The following TMEM266 variants were observed in gnomAD, a reference collection of about 807,000 sequenced individuals.
TMEM266 encodes the protein Hv1 related protein 1.
Under a neutral mutation model 50.5 loss-of-function variants are expected in TMEM266, and 33 were observed. The ratio of observed to expected loss-of-function variants is 0.65; its 90% CI spans 0.50 to 0.87. The LOEUF is 0.87. Among genes scored for constraint, TMEM266 ranks in the 40% least tolerant of loss-of-function variants. TMEM266 has a pLI of 0.00. For synonymous variants in TMEM266, 310 were observed against 292.3 expected, an observed-to-expected ratio of 1.06 and a Z score of -0.62; for missense variants, 655 against 695.1, an observed-to-expected ratio of 0.94 and a Z score of 0.65.
At chr15:76,159,886 CA>C (rs2037989685) in intron 4 of TMEM266, among the ~76,000 whole-genome samples, 1 of 152,076 alleles carries the variant, frequency 6.6e-6, no homozygotes, top group African/African-American at 2.4e-5. Flanking sequence ...GCAAGAAGAA[CA>C]GCATCGTTGG....
chr15:76,194,768 T>C, intron 9 of TMEM266, among the ~76,000 whole-genome samples: 1 of 152,272 alleles, frequency 6.6e-6, no homozygotes, highest in South Asian at 2.1e-4. Flanking sequence ...CATGTCTGGG[T>C]CTAGATTTCC....
intron 1 of TMEM266, among the ~76,000 whole-genome samples, chr15:76,087,493 G>T (rs970496117): frequency 1.3e-5 from 2 of 152,124 alleles, no homozygotes; most frequent in African/African-American, 2.4e-5. Flanking sequence ...AAAATATTGA[G>T]GTAGTTGCAC....
chr15:76,198,868 C>T (rs1019475121), intron 9 of TMEM266, among the ~76,000 whole-genome samples: 2 of 152,280 alleles, frequency 1.3e-5, no homozygotes, highest in African/African-American at 2.4e-5. Context: ...GCCAGCCTGG[C>T]TCTCAGACTC....
Position 76,137,708 on chromosome 15 carries a change from C to T in TMEM266, c.40C>T (p.Pro14Ser). ...CATTGTTCCTCCTCTCCAACCCAGG[C>T]CTGCCATAGAAGGAGGAATTTCTGA... Residue 14 changes from proline to serine, a missense_variant and splice_region_variant, in exon 3 of 11, where the codon CCT becomes TCT. Pro to Ser is a moderately conservative substitution (Grantham distance 74, BLOSUM62 -1). Coordinates refer to ENST00000388942, the MANE Select transcript of TMEM266 (RefSeq NM_152335.3). 1 of 1,614,076 alleles carries T rather than the reference C, an allele frequency of 6.2e-7. No homozygotes were observed. The highest frequency in any genetic ancestry group is 8.5e-7 in the Non-Finnish European group (1 of 1,179,964).
intron 7 of TMEM266, 98 bp downstream of exon 7, chr15:76,171,229 G>A: frequency 1.3e-6 from 2 of 1,486,130 alleles, no homozygotes; most frequent in South Asian, 2.7e-5. Flanking sequence ...CACCCTGCTG[G>A]CGTCAGGACG....
intron 1 of TMEM266, among the ~76,000 whole-genome samples, chr15:76,110,850 A>G (rs1404721488): frequency 6.6e-6 from 1 of 152,250 alleles, no homozygotes; most frequent in Non-Finnish European, 1.5e-5. Context: ...TTCACCAAGG[A>G]AAATATACAG....
intron 1 of TMEM266, among the ~76,000 whole-genome samples, chr15:76,119,391 C>CAAAAAAAAA (rs57532855): frequency 9.1e-6 from 1 of 109,748 alleles, no homozygotes; most frequent in African/African-American, 3.3e-5. Flanking sequence ...GGGTTTATGG[C>CAAAAAAAAA]AAAAAAAAAA....
chr15:76,174,042 G>C (rs1316251756), intron 7 of TMEM266, among the ~76,000 whole-genome samples: 4 of 152,034 alleles, frequency 2.6e-5, no homozygotes, highest in African/African-American at 7.3e-5. Flanking sequence ...GGCTCCTTCT[G>C]TTTTTCTGTT....
chr15:76,198,934 G>GACTCACGCCTTAAAGCTCAC (rs1555453575), intron 9 of TMEM266, among the ~76,000 whole-genome samples: 3 of 152,206 alleles, frequency 2.0e-5, no homozygotes, highest in East Asian at 1.9e-4. Flanking sequence ...AGCAGAGGGA[G>GACTCACGCCTTAAAGCTCAC]TAGGGACAGG....
At chr15:76,154,158 C>T (rs547554142) in intron 3 of TMEM266, among the ~76,000 whole-genome samples, 29 of 152,314 alleles carry the variant, frequency 1.9e-4, no homozygotes, top group Middle Eastern at 6.8e-3. Flanking sequence ...TAAGAATACA[C>T]GATTCCCAGT....
chr15:76,193,242 T>C (rs79865363), intron 9 of TMEM266, among the ~76,000 whole-genome samples: 2 of 151,902 alleles, frequency 1.3e-5, no homozygotes, highest in Admixed American at 6.6e-5. Flanking sequence ...ATGGTTGCTT[T>C]TTTTTTGGAG....
intron 5 of TMEM266, among the ~76,000 whole-genome samples, chr15:76,167,467 CA>C (rs552656577): frequency 0.014 from 1,396 of 101,192 alleles, 26 homozygotes; most frequent in Admixed American, 0.066. Context: ...GAGACTGTTT[CA>C]AAAAAAAAAA....
intron 8 of TMEM266, among the ~76,000 whole-genome samples, chr15:76,188,513 G>T (rs2038521433): frequency 6.6e-6 from 1 of 152,200 alleles, no homozygotes; most frequent in Non-Finnish European, 1.5e-5. Context: ...TGAGGCAGGA[G>T]AATCACTTGA....
intron 1 of TMEM266, among the ~76,000 whole-genome samples, chr15:76,074,536 G>A (rs554538858): frequency 1.3e-4 from 20 of 151,782 alleles, no homozygotes; most frequent in East Asian, 7.7e-4. Flanking sequence ...ATTATATGTC[G>A]TCTTTGCTGT....
At chr15:76,123,325 GAAATACAACC>G (rs2037370566) in intron 1 of TMEM266, among the ~76,000 whole-genome samples, 1 of 152,200 alleles carries the variant, frequency 6.6e-6, no homozygotes, top group South Asian at 2.1e-4. Flanking sequence ...TCAAGCACAA[GAAATACAACC>G]TTCTCCTCCT....
chr15:76,117,520 A>G (rs7181548), intron 1 of TMEM266, among the ~76,000 whole-genome samples: 1 of 152,036 alleles, frequency 6.6e-6, no homozygotes, highest in East Asian at 1.9e-4. Flanking sequence ...ATTAAGAGAG[A>G]CCAAGCCGGT....
At chr15:76,104,542 G>A (rs1259999978) in intron 1 of TMEM266, among the ~76,000 whole-genome samples, 5 of 152,178 alleles carry the variant, frequency 3.3e-5, no homozygotes, top group South Asian at 2.1e-4. Context: ...TTGGGGGCCC[G>A]GCGCGGTGGC....
chr15:76,144,226 T>TGA (rs3065686), intron 3 of TMEM266, among the ~76,000 whole-genome samples: 65,212 of 151,596 alleles, frequency 0.43, 15,512 homozygotes, highest in East Asian at 0.62. Context: ...ATTACCAAAA[T>TGA]GCCATGTGCA....
chr15:76,128,059 G>A (rs2037451722), intron 1 of TMEM266, among the ~76,000 whole-genome samples: 1 of 152,172 alleles, frequency 6.6e-6, no homozygotes, highest in South Asian at 2.1e-4. Flanking sequence ...AAACACCTGG[G>A]AAACTTAAAG....
Sources: gnomAD v4.1 joint callset for allele counts (sites outside exome capture counted in the v4.1 genomes callset) on GRCh38, gnomAD v4.1.1 for gene constraint, MANE v1.5 for transcripts, NCBI Gene and HGNC (gene_info 2026-07-23, HGNC 2026-07-21) for gene names.